Variants in WSB2 observed in about 807,000 individuals in gnomAD.
WSB2 encodes the protein WD repeat and SOCS box containing 2, also known as WD repeat and SOCS box-containing protein 2.
In WSB2, 12 loss-of-function variants were observed where a neutral mutation model predicts 48.8. The ratio of observed to expected loss-of-function variants is 0.25; its 90% confidence interval spans 0.16 to 0.40. The LOEUF (loss-of-function observed/expected upper bound fraction) is 0.40, where lower values mean the gene tolerates loss of function less well. WSB2 is among the 10% of genes least tolerant of loss of function. WSB2 has a pLI of 1.00. For synonymous variants in WSB2, 191 were observed against 203.1 expected (o/e 0.94, Z 0.51); for missense variants, 317 against 506.2 (o/e 0.63, Z 3.59).
chr12:118,053,669 T>A (rs888247629), intron 1 of WSB2, among the ~76,000 whole-genome samples: 3 of 152,204 alleles, frequency 2.0e-5, no homozygotes, highest in African/African-American at 7.2e-5. Flanking sequence ...TTCTCTACTC[T>A]GATGGAAGAT....
intron 5 of WSB2, among the ~76,000 whole-genome samples, chr12:118,036,931 C>A (rs528741694): frequency 1.3e-5 from 2 of 152,282 alleles, no homozygotes; most frequent in East Asian, 3.9e-4. Context: ...CCTGTAATCT[C>A]AGCACTTTGG....
chr12:118,034,141 T>A lies in WSB2; in HGVS notation c.*55A>T, dbSNP rs1224574340. The A allele has an allele frequency of 6.2e-7, 1 of 1,602,576 alleles. No homozygotes were observed. The highest frequency in any genetic ancestry group is 8.5e-7 in the Non-Finnish European group (1 of 1,171,718). On this transcript the variant is annotated 3_prime_UTR_variant, in exon 9 of 9. Coordinates refer to ENST00000315436, the MANE Select transcript of WSB2 (RefSeq NM_018639.5). Reference sequence around the variant, plus strand: ...ATGTTTGGCCCATTATTCCAGCAACTCCCTTTGACAGGACGATTTACCCTG... The same window carrying A: ...ATGTTTGGCCCATTATTCCAGCAACACCCTTTGACAGGACGATTTACCCTG...
At position 118,042,844 on chromosome 12, in the gene WSB2, G is replaced by A; in HGVS notation, c.556C>T (p.His186Tyr). Reference sequence around the variant, plus strand: ...GTAGTTCCTTCACTTCCCATACCGTGTTTATTCAGGTCCCAGATGCGAAGA... The same window carrying A: ...GTAGTTCCTTCACTTCCCATACCGTATTTATTCAGGTCCCAGATGCGAAGA... ...KTLRIWDLNKHGKQIQVLSGH... is the reference protein window; with the variant it reads ...KTLRIWDLNKYGKQIQVLSGH... Residue 186 changes from histidine (H) to tyrosine (Y), a missense_variant, in exon 4 of 9, where the codon CAC becomes TAC. Physicochemically the swap from His to Tyr is moderately conservative, Grantham distance 83. Coordinates refer to ENST00000315436, the MANE Select transcript of WSB2 (RefSeq NM_018639.5). The A allele has an allele frequency of 6.2e-7, 1 of 1,614,158 alleles. No individual in the cohort carries two copies. Among genetic ancestry groups the A allele is most frequent in the Non-Finnish European group, 8.5e-7 (1 of 1,180,008 alleles).
rs748354611 is a variant in WSB2, at chr12:118,055,607, C to CTTTTT, written c.14-3134_14-3130dup. 3.0e-3 allele frequency among the ~76,000 whole-genome samples: 244 copies of CTTTTT among 81,710 alleles called. 2 individuals are homozygous for CTTTTT. Among genetic ancestry groups the CTTTTT allele is most frequent in the Middle Eastern group, 0.013 (1 of 76 alleles). 53.6% of individuals were successfully genotyped at this position (81,710 alleles called of 152,430 possible). A position where few individuals can be genotyped will look rare whatever the true frequency, so the allele number is the denominator to read the frequency against. On this transcript the variant is annotated intron_variant, in intron 1 of 8. Transcript: ENST00000315436. The stretch of plus-strand genomic sequence containing the variant: ...ATTGGTTCACTTCCTCTACATTATC[C>CTTTTT]TTTTTTTTTTTTTTTTTTTTTTTTT...
At chr12:118,037,715 C>T (rs1003249158) in intron 5 of WSB2, among the ~76,000 whole-genome samples, 5 of 150,192 alleles carry the variant, frequency 3.3e-5, no homozygotes, top group African/African-American at 1.2e-4. Flanking sequence ...CTCCAAACCA[C>T]AAAAATAAAT....
At chr12:118,038,964 C>T (rs1212997995) in intron 4 of WSB2, among the ~76,000 whole-genome samples, 1 of 152,130 alleles carries the variant, frequency 6.6e-6, no homozygotes, top group Non-Finnish European at 1.5e-5. Context: ...TAAAGGTTTC[C>T]TCATAGGAAA....
intron 6 of WSB2, 183 bp downstream of exon 6, chr12:118,036,155 T>C (rs921153446): frequency 1.1e-5 from 7 of 653,670 alleles, no homozygotes; most frequent in African/African-American, 1.8e-5. Context: ...TGATCCAAGA[T>C]TGCGCCACTG....
At chr12:118,050,979 G>C (rs1314601554) in intron 2 of WSB2, among the ~76,000 whole-genome samples, 2 of 151,988 alleles carry the variant, frequency 1.3e-5, no homozygotes, top group African/African-American at 4.8e-5. Context: ...TTGAACCCAG[G>C]AGGTGGAGGT....
At position 118,059,223 on chromosome 12, in the gene WSB2, TTACA is replaced by T. The variant is rs2032018664; in HGVS notation, c.13+1809_13+1812del. Among the ~76,000 whole-genome samples, 3 of 73,676 alleles carry T rather than the reference TTACA, an allele frequency of 4.1e-5. No homozygotes were observed. In the South Asian group the frequency reaches 2.2e-3, roughly 54 times the overall value. The allele number at this position is 73,676 out of a possible 152,430, so 48.3% of individuals were successfully genotyped here. On this transcript the variant is annotated intron_variant, in intron 1 of 8. Coordinates refer to ENST00000315436, the MANE Select transcript of WSB2 (RefSeq NM_018639.5). Reference sequence around the variant, plus strand: ...TTAGCACAAAAAAAAATCTAAAACATTACATTACAATTTATTTGATTACATGTAG... The same window carrying T: ...TTAGCACAAAAAAAAATCTAAAACATTTACAATTTATTTGATTACATGTAG...
At chr12:118,046,183 A>G (rs1172544023) in intron 2 of WSB2, among the ~76,000 whole-genome samples, 1 of 152,180 alleles carries the variant, frequency 6.6e-6, no homozygotes, top group Non-Finnish European at 1.5e-5. Context: ...AAAGTTGGCC[A>G]GGTACCATGG....
rs778484500 is a variant in WSB2, at chr12:118,036,394, G to A, written c.777C>T (p.Tyr259=). The change falls in exon 6 of 9, where the codon TAC becomes TAT. Residue 259 remains tyrosine (Y), a synonymous_variant. Coordinates refer to ENST00000315436, the MANE Select transcript of WSB2 (RefSeq NM_018639.5). ...PDSALLVTAS[Y]DTNVIMWDPY... is the part of the protein sequence containing the mutation. ...GGTCCCACATAATCACATTGGTATC[G>A]TAAGAAGCCGTGACAAGCAGGGCAG... is the stretch of plus-strand genomic sequence containing the variant. The A allele has an allele frequency of 6.2e-6, 10 of 1,614,058 alleles. No homozygotes were observed. The highest frequency in any genetic ancestry group is 7.6e-6 in the Non-Finnish European group (9 of 1,180,040).
At chr12:118,042,685 G>A (rs1198221069) in intron 4 of WSB2, 156 bp downstream of exon 4, 3 of 1,170,174 alleles carry the variant, frequency 2.6e-6, no homozygotes, top group African/African-American at 3.1e-5. Flanking sequence ...GGCGGGCAGG[G>A]GCGATTAGGA....
chr12:118,045,082 A>G (rs1785387085), intron 2 of WSB2, among the ~76,000 whole-genome samples: 1 of 152,232 alleles, frequency 6.6e-6, no homozygotes, highest in African/African-American at 2.4e-5. Flanking sequence ...AAATACACAA[A>G]AGAATTTTAA....
At chr12:118,036,584 A>G in intron 5 of WSB2, 74 bp from the exon 6 acceptor site, 1 of 1,467,836 alleles carries the variant, frequency 6.8e-7, no homozygotes. Context: ...AGGGAAAGGT[A>G]CCACCACCAA....
At chr12:118,045,498 G>A (rs1283170481) in intron 2 of WSB2, among the ~76,000 whole-genome samples, 1 of 152,086 alleles carries the variant, frequency 6.6e-6, no homozygotes, top group African/African-American at 2.4e-5. Flanking sequence ...AGGAGTTCGA[G>A]ACCAGCCTGA....
intron 6 of WSB2, among the ~76,000 whole-genome samples, chr12:118,035,538 C>T (rs182415433): frequency 1.3e-5 from 2 of 152,360 alleles, no homozygotes; most frequent in East Asian, 3.9e-4. Flanking sequence ...GTTACTAACA[C>T]TTCCTTGTGC....
chr12:118,049,819 G>A (rs76456222), intron 2 of WSB2, among the ~76,000 whole-genome samples: 2,357 of 152,076 alleles, frequency 0.015, 48 homozygotes, highest in African/African-American at 0.049. Flanking sequence ...ACAAACTCCT[G>A]TCAACATTCC....
intron 2 of WSB2, among the ~76,000 whole-genome samples, chr12:118,051,917 T>A (rs926500234): frequency 2.6e-5 from 4 of 152,142 alleles, no homozygotes. Flanking sequence ...GAGGTTGTAG[T>A]GAGCCAAGAT....
At chr12:118,048,238 GT>G (rs372130606) in intron 2 of WSB2, among the ~76,000 whole-genome samples, 2 of 150,904 alleles carry the variant, frequency 1.3e-5, no homozygotes, top group Non-Finnish European at 3.0e-5. Context: ...CATATAGCCT[GT>G]TTTTTTTCAA....
Sources: gnomAD v4.1 joint callset for allele counts (sites outside exome capture counted in the v4.1 genomes callset) on GRCh38, gnomAD v4.1.1 for gene constraint, MANE v1.5 for transcripts, NCBI Gene and HGNC (gene_info 2026-07-23, HGNC 2026-07-21) for gene names.